The following DNAH11 variants were observed in gnomAD, a reference collection of about 807,000 sequenced individuals.
The protein encoded by DNAH11 is axonemal beta dynein heavy chain 11.
DNAH11 carries 442 observed loss-of-function variants against 526.0 expected under a neutral mutation model. That is an observed-to-expected ratio of 0.84 (90% CI 0.78 to 0.91). The LOEUF is 0.91. DNAH11 is among the 40% of genes least tolerant of loss of function. The pLI, the probability that DNAH11 is intolerant of heterozygous loss-of-function variation, is 0.00. For synonymous variants in DNAH11, 2,461 were observed against 1,935.9 expected, an observed-to-expected ratio of 1.27 and a Z score of -7.12; for missense variants, 6,989 against 5,448.7, an observed-to-expected ratio of 1.28 and a Z score of -8.90.
intron 65 of DNAH11, among the ~76,000 whole-genome samples, chr7:21,840,298 C>T (rs546823103): frequency 4.7e-4 from 72 of 152,272 alleles, no homozygotes; most frequent in African/African-American, 1.4e-3. Flanking sequence ...TAACATCTCA[C>T]CTGGAAGTCA....
chr7:21,811,683 C>G (rs1789530305), intron 63 of DNAH11, among the ~76,000 whole-genome samples: 1 of 152,136 alleles, frequency 6.6e-6, no homozygotes, highest in Non-Finnish European at 1.5e-5. Flanking sequence ...CTTAATGCCA[C>G]TTGAACTGTA....
At chr7:21,865,335 G>C (rs1314268985) in intron 70 of DNAH11, among the ~76,000 whole-genome samples, 1 of 152,106 alleles carries the variant, frequency 6.6e-6, no homozygotes, top group Non-Finnish European at 1.5e-5. Context: ...TTTTAAAGTA[G>C]TATTTGTAAT....
chr7:21,592,790 ATG>A (rs1431047227), intron 14 of DNAH11, among the ~76,000 whole-genome samples: 2 of 152,320 alleles, frequency 1.3e-5, no homozygotes, highest in East Asian at 3.9e-4. Flanking sequence ...GAAGTCAAGG[ATG>A]ATTTCAAGGT....
intron 40 of DNAH11, 110 bp downstream of exon 40, chr7:21,707,945 C>T (rs1265871343): frequency 1.6e-5 from 19 of 1,176,738 alleles, no homozygotes; most frequent in Non-Finnish European, 2.0e-5. Context: ...TATGTGTTGG[C>T]ATTATTGGAA....
At chr7:21,682,670 C>T (rs549698350) in intron 31 of DNAH11, among the ~76,000 whole-genome samples, 19 of 152,098 alleles carry the variant, frequency 1.2e-4, no homozygotes, top group African/African-American at 4.6e-4. Context: ...CTGGGTTACG[C>T]TTGTTTGGTA....
At chr7:21,691,832 G>A (rs566093967) in intron 35 of DNAH11, among the ~76,000 whole-genome samples, 1 of 152,180 alleles carries the variant, frequency 6.6e-6, no homozygotes, top group East Asian at 1.9e-4. Context: ...TGTAGGGTTT[G>A]TCTTTTCCTT....
intron 54 of DNAH11, among the ~76,000 whole-genome samples, chr7:21,752,902 C>CG (rs1417044883): frequency 2.0e-5 from 3 of 151,976 alleles, no homozygotes; most frequent in Non-Finnish European, 2.9e-5. Flanking sequence ...TTAGTAGAGA[C>CG]GGGGTTTCAC....
At position 21,901,804 on chromosome 7, in the gene DNAH11, C is replaced by CAAGTT. The variant is rs1784881267; in HGVS notation, c.*551_*555dup. On this transcript the variant is annotated 3_prime_UTR_variant, in exon 82 of 82. Coordinates refer to ENST00000409508, the MANE Select transcript of DNAH11 (RefSeq NM_001277115.2). ...TGTTGATGGTCCCCTTTTGTTCAGT[C>CAAGTT]AAGTTTTAATAAAAATAAAACTGTT... 2 of 164,232 alleles carry CAAGTT rather than the reference C, an allele frequency of 1.2e-5. No individual in the cohort carries two copies. Among genetic ancestry groups the CAAGTT allele is most frequent in the Non-Finnish European group, 1.3e-5 (1 of 74,520 alleles). The allele number at this position is 164,232 out of a possible 1,614,324, so 10.2% of individuals were successfully genotyped here.
At chr7:21,766,370 AGG>A (rs1156601106) in intron 55 of DNAH11, among the ~76,000 whole-genome samples, 20 of 152,210 alleles carry the variant, frequency 1.3e-4, no homozygotes, top group Non-Finnish European at 2.5e-4. Flanking sequence ...GACATTTCCC[AGG>A]GAGCTTTGTC....
intron 34 of DNAH11, among the ~76,000 whole-genome samples, chr7:21,688,358 C>T (rs942597959): frequency 4.6e-5 from 7 of 152,140 alleles, no homozygotes; most frequent in Admixed American, 1.3e-4. Flanking sequence ...GCACTATATC[C>T]GTGTTTCCTA....
rs530293040 is a variant in DNAH11, at chr7:21,685,518, C to T, written c.5621+1574C>T. ...CTTTGAATTATTTACTAATTGTTTA[C>T]ATTAACAAAATGATGCCCTTCAAAT... On this transcript the variant is annotated intron_variant, in intron 32 of 81. Coordinates refer to ENST00000409508, the MANE Select transcript of DNAH11 (RefSeq NM_001277115.2). 1.3e-4 allele frequency among the ~76,000 whole-genome samples: 20 copies of T among 152,238 alleles called. No individual in the cohort carries two copies. In the South Asian group the frequency reaches 3.9e-3, roughly 30 times the overall value.
chr7:21,548,591 A>G (rs1037616348), intron 2 of DNAH11, among the ~76,000 whole-genome samples: 1 of 152,312 alleles, frequency 6.6e-6, no homozygotes, highest in Middle Eastern at 3.4e-3. Context: ...AGTGAAGGCA[A>G]TTGGACTAAA....
intron 49 of DNAH11, among the ~76,000 whole-genome samples, 165 bp from the exon 50 acceptor site, chr7:21,744,273 T>A (rs1363880397): frequency 1.3e-5 from 2 of 152,218 alleles, no homozygotes; most frequent in Non-Finnish European, 2.9e-5. Flanking sequence ...ATATTGCACT[T>A]ATCAAAGAGT....
intron 30 of DNAH11, among the ~76,000 whole-genome samples, chr7:21,675,866 A>T (rs1387234774): frequency 6.6e-6 from 1 of 152,048 alleles, no homozygotes; most frequent in African/African-American, 2.4e-5. Context: ...AAATAGAAAC[A>T]TTTAGAATAA....
In DNAH11 at chr7:21,875,984, C is replaced by T. The variant is rs577160318; in HGVS notation, c.12195+2483C>T. 1.0e-3 allele frequency among the ~76,000 whole-genome samples: 153 copies of T among 148,804 alleles called. No individual in the cohort carries two copies. The South Asian group carries it at 0.02, about 20-fold the overall frequency. The stretch of plus-strand genomic sequence containing the variant: ...CTGCAAGCTCCGCCTCCCAGGTTCA[C>T]GCCATTCTCCTGCCTCAGCCTCCCG... On this transcript the variant is annotated intron_variant, in intron 74 of 81. Coordinates refer to ENST00000409508, the MANE Select transcript of DNAH11 (RefSeq NM_001277115.2).
chr7:21,755,044 A>G (rs890243379), intron 54 of DNAH11, among the ~76,000 whole-genome samples: 1 of 152,178 alleles, frequency 6.6e-6, no homozygotes, highest in African/African-American at 2.4e-5. Context: ...AATGTGTTAC[A>G]GGGGGTTGGT....
At chr7:21,696,382 C>G (rs1040676517) in intron 35 of DNAH11, among the ~76,000 whole-genome samples, 1 of 152,078 alleles carries the variant, frequency 6.6e-6, no homozygotes. Context: ...AATAGTTAAT[C>G]AATTGTGCTA....
At chr7:21,590,551 C>A (rs2128443381) in intron 12 of DNAH11, among the ~76,000 whole-genome samples, 1 of 152,246 alleles carries the variant, frequency 6.6e-6, no homozygotes, top group South Asian at 2.1e-4. Flanking sequence ...ACTCTGCACC[C>A]AAATTCTGAT....
At chr7:21,591,988 T>C (rs1453596010) in intron 14 of DNAH11, among the ~76,000 whole-genome samples, 1 of 152,124 alleles carries the variant, frequency 6.6e-6, no homozygotes, top group African/African-American at 2.4e-5. Flanking sequence ...TTACTCTCCT[T>C]TTAACAAAGA....
Sources: gnomAD v4.1 joint callset for allele counts (sites outside exome capture counted in the v4.1 genomes callset) on GRCh38, gnomAD v4.1.1 for gene constraint, MANE v1.5 for transcripts, NCBI Gene and HGNC (gene_info 2026-07-23, HGNC 2026-07-21) for gene names.